ADRA2B: variants seen among roughly 807,000 people sequenced by gnomAD.
The protein encoded by ADRA2B is alpha-2B adrenergic receptor.
A neutral mutation model predicts 14.4 loss-of-function variants in ADRA2B; 14 were observed. The ratio of observed to expected loss-of-function variants is 0.97; its 90% confidence interval spans 0.64 to 1.52. ADRA2B has a LOEUF of 1.52. ADRA2B is among the 40% of genes most tolerant of loss of function. The pLI is 0.00. For synonymous variants in ADRA2B, 250 were observed against 263.7 expected (o/e 0.95, Z 0.50); for missense variants, 606 against 603.2 (o/e 1.00, Z -0.05).
Position 96,113,780 on chromosome 2 carries a change from ATCCTT to A in ADRA2B, c.*1012_*1016del. The A allele has an allele frequency of 2.1e-6, 1 of 475,088 alleles. No individual in the cohort carries two copies. The highest frequency in any genetic ancestry group is 2.8e-6 in the Non-Finnish European group (1 of 363,486). 29.4% of individuals were successfully genotyped at this position (475,088 alleles called of 1,614,324 possible). On this transcript the variant is annotated 3_prime_UTR_variant, in exon 1 of 1. Transcript: ENST00000620793. ...GCCAGAAGAACACATTCTCAAAGAG[ATCCTT>A]TAACTTGAAATAGTGATTCTGTCTG... is the stretch of plus-strand genomic sequence containing the variant.
In ADRA2B at chr2:96,115,642, C is replaced by T; in HGVS notation, c.508G>A (p.Ala170Thr). The change falls in exon 1 of 1, where the codon GCC becomes ACC. Residue 170 changes from alanine to threonine, a missense_variant. By Grantham distance (58) the Ala-to-Thr change is moderately conservative. Transcript: ENST00000620793. Reference sequence around the variant, plus strand: ...ATGCTGGAGGCCAGGATGTACCAGGCCTCCTGGTTGAGCTTGCACTGGGGG... The same window carrying T: ...ATGCTGGAGGCCAGGATGTACCAGGTCTCCTGGTTGAGCTTGCACTGGGGG... ...GRPQCKLNQEAWYILASSIGS... is the reference protein window; with the variant it reads ...GRPQCKLNQETWYILASSIGS... The T allele has an allele frequency of 6.2e-7, 1 of 1,613,830 alleles. No homozygotes were observed. Among genetic ancestry groups the T allele is most frequent in the Non-Finnish European group, 8.5e-7 (1 of 1,179,886 alleles).
In ADRA2B at chr2:96,115,962, G is replaced by T. The variant is rs1301087004; in HGVS notation, c.188C>A (p.Thr63Lys). The change falls in exon 1 of 1, where the codon ACG becomes AAG. Residue 63 changes from threonine (T) to lysine (K), a missense_variant. Coordinates refer to ENST00000620793, the MANE Select transcript of ADRA2B (RefSeq NM_000682.7). Reference sequence around the variant, plus strand: ...GGCCAGCGAGAAAGGGATGATGAGCGTGGCCACCAGGATGTCGGCGGCGGC... The same window carrying T: ...GGCCAGCGAGAAAGGGATGATGAGCTTGGCCACCAGGATGTCGGCGGCGGC... ...SLAAADILVA[T>K]LIIPFSLANE... The T allele has an allele frequency of 6.2e-7, 1 of 1,613,834 alleles. No individual in the cohort carries two copies. The highest frequency in any genetic ancestry group is 2.2e-5 in the East Asian group (1 of 44,852).
Position 96,115,485 on chromosome 2 carries a change from C to T in ADRA2B, c.665G>A (p.Arg222Gln), listed in dbSNP as rs768420641. The T allele has an allele frequency of 3.7e-6, 6 of 1,613,498 alleles. No homozygotes were observed. In the South Asian group the frequency reaches 6.6e-5, roughly 18 times the overall value. Residue 222 changes from arginine to glutamine, a missense_variant, in exon 1 of 1, where the codon CGA (arginine) becomes CAA (glutamine). By Grantham distance (43) the Arg-to-Gln change is conservative (BLOSUM62 1). Transcript: ENST00000620793. ...GPGQGESKQPRPDHGGALASA... is the reference protein window; with the variant it reads ...GPGQGESKQPQPDHGGALASA... ...GGCCAAAGCCCCACCATGGTCGGGT[C>T]GGGGCTGCTTGGACTCACCCTGCCC...
chr2:96,115,341 A>T lies in ADRA2B; in HGVS notation c.809T>A (p.Leu270Ter). Residue 270 changes from leucine (L) to a stop codon, truncating the protein, a stop_gained, in exon 1 of 1, where the codon TTG becomes TAG. Transcript: ENST00000620793. LOFTEE classifies it high-confidence loss of function. ...ETPEDTGTRA[L>*]PPSWAALPNS... is the part of the protein sequence containing the mutation. ...GGGAAGGGCAGCCCAACTGGGTGGC[A>T]AGGCCCGGGTCCCAGTATCTTCAGG... The T allele has an allele frequency of 6.2e-7, 1 of 1,602,458 alleles. No individual in the cohort carries two copies. Among genetic ancestry groups the T allele is most frequent in the Middle Eastern group, 1.7e-4 (1 of 6,018 alleles).
rs952106546 is a variant in ADRA2B, at chr2:96,113,479, G to A, written c.*1318C>T. ...CACAAGGACTCATTTGGGGCTTGGA[G>A]ACCTGGCCGGGCACTCCAGTGGGAG... On this transcript the variant is annotated 3_prime_UTR_variant, in exon 1 of 1. Transcript: ENST00000620793. 8.3e-6 allele frequency: 2 copies of A among 239,976 alleles called. No individual in the cohort carries two copies. The highest frequency in any genetic ancestry group is 1.6e-5 in the Non-Finnish European group (2 of 125,876). The allele number at this position is 239,976 out of a possible 1,614,324, so 14.9% of individuals were successfully genotyped here. A position where few individuals can be genotyped will look rare whatever the true frequency, so the allele number is the denominator to read the frequency against.
Position 96,114,540 on chromosome 2 carries a change from G to A in ADRA2B, c.*257C>T. The A allele has an allele frequency of 7.4e-7, 1 of 1,347,522 alleles. No individual in the cohort carries two copies. Among genetic ancestry groups the A allele is most frequent in the East Asian group, 2.9e-5 (1 of 34,048 alleles). The allele number at this position is 1,347,522 out of a possible 1,614,324, so 83.5% of individuals were successfully genotyped here. A position where few individuals can be genotyped will look rare whatever the true frequency, so the allele number is the denominator to read the frequency against. ...GTCTTGGCTATGTTCCAGAGGATTT[G>A]AACCACCTCCATCGGCCTGTGCTCA... On this transcript the variant is annotated 3_prime_UTR_variant, in exon 1 of 1. Transcript: ENST00000620793.
Position 96,115,173 on chromosome 2 carries a change from G to A in ADRA2B, c.977C>T (p.Pro326Leu), listed in dbSNP as rs45494291. 1.5e-5 allele frequency: 23 copies of A among 1,572,884 alleles called. No homozygotes were observed. The highest frequency in any genetic ancestry group is 9.5e-5 in the East Asian group (4 of 42,174). ...PVSPASACSP[P>L]LQQPQGSRVL... ...CCGGGAGCCCTGTGGCTGCTGCAGCGGGGGGCTGCAAGCTGAGGCCGGAGA... is the reference window on the plus strand; with the variant it reads ...CCGGGAGCCCTGTGGCTGCTGCAGCAGGGGGCTGCAAGCTGAGGCCGGAGA... Residue 326 changes from proline to leucine, a missense_variant, in exon 1 of 1, where the codon CCG (proline) becomes CTG (leucine). Pro to Leu is a moderately conservative substitution (Grantham distance 98). Transcript: ENST00000620793.
Position 96,115,021 on chromosome 2 carries a change from T to A in ADRA2B, c.1129A>T (p.Ile377Phe), listed in dbSNP as rs1335321593. The A allele has an allele frequency of 6.2e-7, 1 of 1,613,766 alleles. No individual in the cohort carries two copies. The highest frequency in any genetic ancestry group is 1.1e-5 in the South Asian group (1 of 91,058). Residue 377 changes from isoleucine to phenylalanine, a missense_variant, in exon 1 of 1, where the codon ATT (isoleucine) becomes TTT (phenylalanine). By Grantham distance (21) the Ile-to-Phe change is conservative. Coordinates refer to ENST00000620793, the MANE Select transcript of ADRA2B (RefSeq NM_000682.7). Reference sequence around the variant, plus strand: ...AACCAGCAGAGCACAAAAACGCCAATGACCACAGCCAGCACGAAGGTGAAG... The same window carrying A: ...AACCAGCAGAGCACAAAAACGCCAAAGACCACAGCCAGCACGAAGGTGAAG... ...KRFTFVLAVV[I>F]GVFVLCWFPF...
Position 96,115,036 on chromosome 2 carries a change from C to G in ADRA2B, c.1114G>C (p.Val372Leu). 6.2e-7 allele frequency: 1 copy of G among 1,613,834 alleles called. No homozygotes were observed. The highest frequency in any genetic ancestry group is 1.6e-4 in the Middle Eastern group (1 of 6,062). ...AAAACGCCAATGACCACAGCCAGCA[C>G]GAAGGTGAAGCGCTTCTCCCGGGTC... ...QLTREKRFTF[V>L]LAVVIGVFVL... Residue 372 changes from valine to leucine, a missense_variant, in exon 1 of 1, where the codon GTG becomes CTG. By Grantham distance (32) the Val-to-Leu change is conservative (BLOSUM62 1). Transcript: ENST00000620793.
In ADRA2B at chr2:96,113,917, A is replaced by G. The variant is rs1019205302; in HGVS notation, c.*880T>C. 1 of 985,770 alleles carries G rather than the reference A, an allele frequency of 1.0e-6. No homozygotes were observed. The highest frequency in any genetic ancestry group is 1.2e-6 in the Non-Finnish European group (1 of 829,950). 61.1% of individuals were successfully genotyped at this position (985,770 alleles called of 1,614,324 possible). On this transcript the variant is annotated 3_prime_UTR_variant, in exon 1 of 1. Transcript: ENST00000620793. Reference sequence around the variant, plus strand: ...AAACACAGAGGAAAGGGATTTTTATATCACCATATAATCACATTTTTGGTT... The same window carrying G: ...AAACACAGAGGAAAGGGATTTTTATGTCACCATATAATCACATTTTTGGTT...
chr2:96,115,429 C>A lies in ADRA2B; in HGVS notation c.721G>T (p.Ala241Ser). 1.2e-6 allele frequency: 2 copies of A among 1,611,610 alleles called. No individual in the cohort carries two copies. Among genetic ancestry groups the A allele is most frequent in the Non-Finnish European group, 1.7e-6 (2 of 1,178,398 alleles). The part of the protein sequence containing the change: ...SAKLPALASV[A>S]SAREVNGHSK... Reference sequence around the variant, plus strand: ...TGTCCGTTGACCTCTCTGGCAGAAGCCACAGAGGCCAGGGCTGGCAGTTTG... The same window carrying A: ...TGTCCGTTGACCTCTCTGGCAGAAGACACAGAGGCCAGGGCTGGCAGTTTG... The change falls in exon 1 of 1, where the codon GCT becomes TCT. Residue 241 changes from alanine to serine, a missense_variant. Physicochemically the swap from Ala to Ser is moderately conservative, Grantham distance 99 (BLOSUM62 1). Transcript: ENST00000620793.
rs1305367757 is a variant in ADRA2B, at chr2:96,115,460, G to C, written c.690C>G (p.Ala230=). Residue 230 remains alanine (A), a synonymous_variant, in exon 1 of 1, where the codon GCC becomes GCG. Transcript: ENST00000620793. ...AGGCCAGGGCTGGCAGTTTGGCTGA[G>C]GCCAAAGCCCCACCATGGTCGGGTC... is the stretch of plus-strand genomic sequence containing the variant. The part of the protein sequence containing the change: ...QPRPDHGGAL[A]SAKLPALASV... The C allele has an allele frequency of 6.2e-7, 1 of 1,613,280 alleles. No individual in the cohort carries two copies. Among genetic ancestry groups the C allele is most frequent in the African/African-American group, 1.3e-5 (1 of 75,052 alleles).
chr2:96,115,057 G>A lies in ADRA2B; in HGVS notation c.1093C>T (p.Arg365Trp), dbSNP rs571112964. The A allele has an allele frequency of 2.0e-4, 316 of 1,613,626 alleles. 1 individual carries two copies. Among genetic ancestry groups the A allele is most frequent in the South Asian group, 7.4e-4 (67 of 91,040 alleles). Residue 365 changes from arginine (R) to tryptophan (W), a missense_variant, in exon 1 of 1, where the codon CGG becomes TGG. Physicochemically the swap from Arg to Trp is moderately radical, Grantham distance 101. Coordinates refer to ENST00000620793, the MANE Select transcript of ADRA2B (RefSeq NM_000682.7). Reference protein sequence around the residue: ...QWWRRRAQLTREKRFTFVLAV... With the variant: ...QWWRRRAQLTWEKRFTFVLAV... ...AGCACGAAGGTGAAGCGCTTCTCCC[G>A]GGTCAGCTGCGCCCGTCGACGCCAC...
chr2:96,113,985 C>A lies in ADRA2B; in HGVS notation c.*812G>T. On this transcript the variant is annotated 3_prime_UTR_variant, in exon 1 of 1. Transcript: ENST00000620793. Reference sequence around the variant, plus strand: ...ACAGAGCTCAAAGCTTTCTGCAAAGCCTTTCATCTCCCTGCAGCAAGTAGG... The same window carrying A: ...ACAGAGCTCAAAGCTTTCTGCAAAGACTTTCATCTCCCTGCAGCAAGTAGG... The A allele has an allele frequency of 3.0e-6, 3 of 985,868 alleles. No individual in the cohort carries two copies. The highest frequency in any genetic ancestry group is 2.4e-6 in the Non-Finnish European group (2 of 829,932). The allele number at this position is 985,868 out of a possible 1,614,324, so 61.1% of individuals were successfully genotyped here. A position where few individuals can be genotyped will look rare whatever the true frequency, so the allele number is the denominator to read the frequency against.
chr2:96,113,137 G>T lies in ADRA2B; in HGVS notation c.*1660C>A. On this transcript the variant is annotated 3_prime_UTR_variant, in exon 1 of 1. Transcript: ENST00000620793. ...CACACCCCAGGAAGGACTCTTTTTG[G>T]TCCCCTCCATTCTCTCTACACCCAG... is the stretch of plus-strand genomic sequence containing the variant. 2.5e-6 allele frequency: 1 copy of T among 398,304 alleles called. No homozygotes were observed. The highest frequency in any genetic ancestry group is 4.4e-6 in the Non-Finnish European group (1 of 225,976). 24.7% of individuals were successfully genotyped at this position (398,304 alleles called of 1,614,324 possible). A position where few individuals can be genotyped will look rare whatever the true frequency, so the allele number is the denominator to read the frequency against.
At position 96,115,130 on chromosome 2, in the gene ADRA2B, A is replaced by C. The variant is rs759818480; in HGVS notation, c.1020T>G (p.Arg340=). 6.2e-7 allele frequency: 1 copy of C among 1,605,202 alleles called. No homozygotes were observed. Among genetic ancestry groups the C allele is most frequent in the East Asian group, 2.3e-5 (1 of 44,364 alleles). Residue 340 remains arginine, a synonymous_variant, in exon 1 of 1, where the codon CGT becomes CGG. Transcript: ENST00000620793. ...CGCCCCTGCCCAGGAGCACCTGGCC[A>C]CGTAGGGTGGCCAGCACCCGGGAGC... ...PQGSRVLATL[R]GQVLLGRGVG...
Position 96,115,368 on chromosome 2 carries a change from G to C in ADRA2B, c.782C>G (p.Thr261Ser). The change falls in exon 1 of 1, where the codon ACC becomes AGC. Residue 261 changes from threonine (T) to serine (S), a missense_variant. By Grantham distance (58) the Thr-to-Ser change is moderately conservative. Coordinates refer to ENST00000620793, the MANE Select transcript of ADRA2B (RefSeq NM_000682.7). ...KSTGEKEEGE[T>S]PEDTGTRALP... ...GGCCCGGGTCCCAGTATCTTCAGGG[G>C]TCTCCCCCTCCTCCTTCTCCCCAGT... The C allele has an allele frequency of 3.1e-6, 5 of 1,606,250 alleles. No individual in the cohort carries two copies. The highest frequency in any genetic ancestry group is 4.3e-6 in the Non-Finnish European group (5 of 1,175,074).
rs1400502474 is a variant in ADRA2B at position 96,115,371 on chromosome 2, T to C, written c.779A>G (p.Glu260Gly). ...SKSTGEKEEGETPEDTGTRAL... is the reference protein window; with the variant it reads ...SKSTGEKEEGGTPEDTGTRAL... ...CCGGGTCCCAGTATCTTCAGGGGTCTCCCCCTCCTCCTTCTCCCCAGTGGA... is the reference window on the plus strand; with the variant it reads ...CCGGGTCCCAGTATCTTCAGGGGTCCCCCCCTCCTCCTTCTCCCCAGTGGA... Residue 260 changes from glutamate (E) to glycine (G), a missense_variant, in exon 1 of 1, where the codon GAG (glutamate) becomes GGG (glycine). Physicochemically the swap from Glu to Gly is moderately conservative, Grantham distance 98 (BLOSUM62 -2). Transcript: ENST00000620793. 2.5e-6 allele frequency: 4 copies of C among 1,604,866 alleles called. No homozygotes were observed. The highest frequency in any genetic ancestry group is 3.4e-6 in the Non-Finnish European group (4 of 1,174,256).
chr2:96,113,238 C>G lies in ADRA2B; in HGVS notation c.*1559G>C. 1 of 398,578 alleles carries G rather than the reference C, an allele frequency of 2.5e-6. No individual in the cohort carries two copies. The highest frequency in any genetic ancestry group is 4.4e-6 in the Non-Finnish European group (1 of 226,020). The allele number at this position is 398,578 out of a possible 1,614,324, so 24.7% of individuals were successfully genotyped here. On this transcript the variant is annotated 3_prime_UTR_variant, in exon 1 of 1. Coordinates refer to ENST00000620793, the MANE Select transcript of ADRA2B (RefSeq NM_000682.7). ...CCCCGACACCTGCCAAGCTAAGATG[C>G]CTACTGGCCCAATGTTGAAGCCAGG...
Sources: allele counts gnomAD v4.1 joint callset, GRCh38; gene constraint gnomAD v4.1.1; transcripts MANE v1.5; gene names NCBI Gene and HGNC (gene_info 2026-07-23, HGNC 2026-07-21).